Variants in ZDHHC15 observed in about 807,000 individuals in gnomAD.
ZDHHC15 encodes palmitoyltransferase ZDHHC15.
ZDHHC15 carries 19 observed loss-of-function variants against 31.7 expected under a neutral mutation model. That is an observed-to-expected ratio of 0.60 (90% confidence interval 0.42 to 0.88). ZDHHC15 has a LOEUF of 0.88. ZDHHC15 is among the 40% of genes least tolerant of loss of function. The pLI is 0.00. For synonymous variants in ZDHHC15, 103 were observed against 90.0 expected (o/e 1.14, Z -0.82); for missense variants, 209 against 251.2 (o/e 0.83, Z 1.14).
At chrX:75,397,913 T>A (rs970911227) in intron 10 of ZDHHC15, among the ~76,000 whole-genome samples, 4 of 112,068 alleles carry the variant, frequency 3.6e-5, no homozygotes, top group African/African-American at 1.3e-4. Flanking sequence ...CAGTCTTCAG[T>A]CTGACAAATA....
chrX:75,507,598 T>C (rs1475165457), intron 1 of ZDHHC15, among the ~76,000 whole-genome samples: 3 of 111,836 alleles, frequency 2.7e-5, no homozygotes, highest in African/African-American at 9.7e-5. Context: ...ATCTCATGGG[T>C]AAGTGTACAT....
chrX:75,381,997 T>C (rs928331606), intron 10 of ZDHHC15, among the ~76,000 whole-genome samples: 1 of 112,107 alleles, frequency 8.9e-6, no homozygotes, highest in Non-Finnish European at 1.9e-5. Context: ...TTTACTGATA[T>C]ACTCAGGTTT....
intron 3 of ZDHHC15, among the ~76,000 whole-genome samples, chrX:75,472,842 A>C (rs1182621683): frequency 1.8e-5 from 2 of 112,266 alleles, no homozygotes; most frequent in Non-Finnish European, 3.8e-5. Context: ...CAATTTTGCC[A>C]GCAGCAGAGA....
intron 10 of ZDHHC15, among the ~76,000 whole-genome samples, chrX:75,387,751 T>C (rs1237999100): frequency 3.6e-5 from 4 of 111,635 alleles, no homozygotes. Context: ...ATTCAATAAA[T>C]AATAACAAAA....
intron 2 of ZDHHC15, among the ~76,000 whole-genome samples, chrX:75,490,099 C>T (rs891403997): frequency 9.0e-6 from 1 of 111,278 alleles, no homozygotes; most frequent in Non-Finnish European, 1.9e-5. Context: ...GTGAAAAGAC[C>T]AAATCTACGT....
At chrX:75,517,778 G>A (rs2085382168) in intron 1 of ZDHHC15, among the ~76,000 whole-genome samples, 1 of 109,901 alleles carries the variant, frequency 9.1e-6, no homozygotes, top group South Asian at 3.9e-4. Context: ...CGTATCTTAT[G>A]CCAGATATAA....
intron 5 of ZDHHC15, 148 bp from the exon 6 acceptor site, chrX:75,430,128 G>T: frequency 1.8e-6 from 1 of 562,776 alleles, no homozygotes; most frequent in African/African-American, 2.3e-5. Flanking sequence ...CCAAAACTGT[G>T]GCCCTCAGTT....
At chrX:75,386,979 C>T (rs1015737191) in intron 10 of ZDHHC15, among the ~76,000 whole-genome samples, 4 of 111,187 alleles carry the variant, frequency 3.6e-5, no homozygotes, top group African/African-American at 1.3e-4. Flanking sequence ...AATAAAGGAA[C>T]TACACCTAAT....
At chrX:75,486,073 C>T (rs2084773433) in intron 2 of ZDHHC15, among the ~76,000 whole-genome samples, 1 of 112,156 alleles carries the variant, frequency 8.9e-6, no homozygotes, top group African/African-American at 3.2e-5. Context: ...AAAGAAGCAG[C>T]TTGCTGCTGC....
chrX:75,438,776 T>C (rs1388280157), intron 4 of ZDHHC15, among the ~76,000 whole-genome samples: 2 of 112,079 alleles, frequency 1.8e-5, no homozygotes, highest in Non-Finnish European at 3.8e-5. Context: ...TTAAGGAAGT[T>C]CTATTTTGCT....
intron 3 of ZDHHC15, among the ~76,000 whole-genome samples, chrX:75,456,861 G>T (rs2084232150): frequency 9.0e-6 from 1 of 111,218 alleles, no homozygotes; most frequent in African/African-American, 3.3e-5. Context: ...AATTTAGACA[G>T]ATCCAGGTTC....
intron 1 of ZDHHC15, among the ~76,000 whole-genome samples, chrX:75,514,776 G>A (rs910964810): frequency 5.4e-5 from 6 of 111,367 alleles, no homozygotes; most frequent in African/African-American, 2.0e-4. Flanking sequence ...CGCCCATGGA[G>A]CCTTGCTCAC....
At chrX:75,377,947 C>T (rs1459020670) in intron 11 of ZDHHC15, among the ~76,000 whole-genome samples, 1 of 111,899 alleles carries the variant, frequency 8.9e-6, no homozygotes, top group Non-Finnish European at 1.9e-5. Flanking sequence ...TAGGAAAATA[C>T]TAAAATAAAA....
In ZDHHC15 at chrX:75,392,010, T is replaced by C. The variant is rs2083249753; in HGVS notation, c.968-12812A>G. 3.5e-5 allele frequency among the ~76,000 whole-genome samples: 4 copies of C among 112,725 alleles called. No individual in the cohort carries two copies. The South Asian group carries it at 1.4e-3, about 41-fold the overall frequency. On this transcript the variant is annotated intron_variant, in intron 10 of 11. Transcript: ENST00000373367. ...TATTAGTTTTATCTTTGTTTGTTTA[T>C]GCAATTAGTGTTGTCATCAGTTTAA...
rs1042402409 is a variant in ZDHHC15 at position 75,368,920 on chromosome X, C to A, written c.*4058G>T. 5 of 111,627 alleles carry A rather than the reference C, an allele frequency of 4.5e-5. No homozygotes were observed. Among genetic ancestry groups the A allele is most frequent in the Non-Finnish European group, 3.8e-5 (2 of 53,128 alleles). 9.2% of individuals were successfully genotyped at this position (111,627 alleles called of 1,213,427 possible). A position where few individuals can be genotyped will look rare whatever the true frequency, so the allele number is the denominator to read the frequency against. The stretch of plus-strand genomic sequence containing the variant: ...GTAAACAGTCATGGGTTGCATGCTA[C>A]TAGGAGCCACCCATTCATTATTATA... On this transcript the variant is annotated 3_prime_UTR_variant, in exon 12 of 12. Coordinates refer to ENST00000373367, the MANE Select transcript of ZDHHC15 (RefSeq NM_144969.3).
intron 10 of ZDHHC15, among the ~76,000 whole-genome samples, chrX:75,395,135 A>C (rs935686543): frequency 8.9e-6 from 1 of 111,763 alleles, no homozygotes; most frequent in Non-Finnish European, 1.9e-5. Context: ...AAAGAAATTA[A>C]GAAGGGAAGT....
At chrX:75,433,679 GTGTGTGTGTGTGTGTGTGTATA>G (rs1285442124) in intron 4 of ZDHHC15, among the ~76,000 whole-genome samples, 1,733 of 84,111 alleles carry the variant, frequency 0.021, 10 homozygotes, top group East Asian at 0.032. Flanking sequence ...GTGTGTGTGT[GTGTGTGTGTGTGTGTGTGTATA>G]TATATATATA....
chrX:75,379,113 T>TA lies in ZDHHC15; in HGVS notation c.*32+6dup. Reference sequence around the variant, plus strand: ...GCCACTGTATGTGTCTCCCTCAGAATACTGACCTGTCTGAGAGATGCAGGA... The same window carrying TA: ...GCCACTGTATGTGTCTCCCTCAGAATAACTGACCTGTCTGAGAGATGCAGGA... On this transcript the variant is annotated splice_region_variant and intron_variant, in intron 11 of 11. Transcript: ENST00000373367. 1.7e-6 allele frequency: 2 copies of TA among 1,202,298 alleles called. No individual in the cohort carries two copies. Among genetic ancestry groups the TA allele is most frequent in the Non-Finnish European group, 2.3e-6 (2 of 886,963 alleles).
At chrX:75,518,218 G>A (rs527486199) in intron 1 of ZDHHC15, among the ~76,000 whole-genome samples, 1 of 111,116 alleles carries the variant, frequency 9.0e-6, no homozygotes, top group African/African-American at 3.3e-5. Flanking sequence ...TGCAAATAAC[G>A]TATCTGATAA....
Sources: allele counts gnomAD v4.1 joint callset (sites outside exome capture counted in the v4.1 genomes callset), GRCh38; gene constraint gnomAD v4.1.1; transcripts MANE v1.5; gene names NCBI Gene and HGNC (gene_info 2026-07-23, HGNC 2026-07-21).